DLG2: variants seen among roughly 807,000 people sequenced by gnomAD.
DLG2 encodes the protein discs large MAGUK scaffold protein 2.
In DLG2, 45 loss-of-function variants were observed where a neutral mutation model predicts 132.5. The ratio of observed to expected loss-of-function variants is 0.34; its 90% CI spans 0.27 to 0.44. DLG2 has a LOEUF of 0.44. DLG2 is among the 20% of genes least tolerant of loss of function. The probability of loss-of-function intolerance (pLI) is 1.00; values close to 1 mark genes in which losing one functional copy is unlikely to be tolerated. For missense variants in DLG2, 1,045 were observed against 1,196.9 expected (o/e 0.87, Z 1.87); for synonymous variants, 424 against 419.6 (o/e 1.01, Z -0.13).
intron 6 of DLG2, among the ~76,000 whole-genome samples, chr11:84,867,977 G>A (rs2084857744): frequency 6.6e-6 from 1 of 151,954 alleles, no homozygotes; most frequent in Non-Finnish European, 1.5e-5. Context: ...GGGAGGCCGA[G>A]GCAGGAGAAT....
At chr11:84,577,142 A>G (rs957102186) in intron 6 of DLG2, among the ~76,000 whole-genome samples, 19 of 152,236 alleles carry the variant, frequency 1.2e-4, no homozygotes, top group African/African-American at 4.6e-4. Flanking sequence ...TCCCGCCATG[A>G]TTCTGAGGAC....
intron 18 of DLG2, among the ~76,000 whole-genome samples, chr11:83,726,764 C>CAAAT (rs2090084997): frequency 1.3e-5 from 2 of 151,936 alleles, no homozygotes; most frequent in Admixed American, 1.3e-4. Context: ...AACAAACAAA[C>CAAAT]AAACAAACAA....
At chr11:84,132,784 C>T (rs1052488741) in intron 9 of DLG2, among the ~76,000 whole-genome samples, 2 of 151,990 alleles carry the variant, frequency 1.3e-5, no homozygotes, top group African/African-American at 4.8e-5. Context: ...AGGTCTAACA[C>T]AGTTTCTTTG....
At chr11:85,222,531 A>T (rs1396169144) in intron 4 of DLG2, among the ~76,000 whole-genome samples, 5 of 152,168 alleles carry the variant, frequency 3.3e-5, no homozygotes, top group African/African-American at 1.2e-4. Context: ...GTATTCCCTC[A>T]TTGGAAATTC....
At chr11:83,753,746 A>T (rs2093449150) in intron 18 of DLG2, among the ~76,000 whole-genome samples, 1 of 138,532 alleles carries the variant, frequency 7.2e-6, no homozygotes, top group African/African-American at 2.8e-5. Context: ...ATATATATAT[A>T]TTTCATATAT....
chr11:83,693,786 G>C (rs1260837870), intron 18 of DLG2: 6 of 152,196 alleles, frequency 3.9e-5, no homozygotes, highest in Non-Finnish European at 7.3e-5. Flanking sequence ...AAGGTGAAGA[G>C]AGGATATGCA....
chr11:84,882,302 T>G (rs2087471588), intron 6 of DLG2, among the ~76,000 whole-genome samples: 1 of 150,928 alleles, frequency 6.6e-6, no homozygotes, highest in Admixed American at 6.6e-5. Flanking sequence ...GGTTTGTGAC[T>G]TAAACAAACA....
chr11:84,707,640 C>G (rs1246330513), intron 6 of DLG2, among the ~76,000 whole-genome samples: 2 of 151,760 alleles, frequency 1.3e-5, no homozygotes, highest in Non-Finnish European at 2.9e-5. Context: ...AAGAAGAGAC[C>G]AATATCTGAA....
At chr11:83,610,835 A>G (rs1009039428) in intron 19 of DLG2, among the ~76,000 whole-genome samples, 1 of 152,220 alleles carries the variant, frequency 6.6e-6, no homozygotes, top group Admixed American at 6.5e-5. Context: ...AAAGAGGAGA[A>G]AACTGAGACT....
chr11:84,995,463 A>T (rs2057544133), intron 6 of DLG2, among the ~76,000 whole-genome samples: 1 of 152,322 alleles, frequency 6.6e-6, no homozygotes. Context: ...AAAGTCAGTT[A>T]TGTACATATT....
intron 11 of DLG2, among the ~76,000 whole-genome samples, chr11:84,034,056 G>A (rs1056764577): frequency 1.1e-4 from 17 of 151,842 alleles, no homozygotes; most frequent in Admixed American, 6.6e-5. Flanking sequence ...ACTCCAGCCC[G>A]GGCAACAAGA....
intron 17 of DLG2, among the ~76,000 whole-genome samples, chr11:83,813,661 C>T (rs916537111): frequency 6.6e-6 from 1 of 152,128 alleles, no homozygotes; most frequent in Non-Finnish European, 1.5e-5. Context: ...CGAACTCTTG[C>T]TTTTAGATGA....
chr11:83,851,723 C>T (rs1157453868), intron 16 of DLG2, among the ~76,000 whole-genome samples: 1 of 151,214 alleles, frequency 6.6e-6, no homozygotes, highest in East Asian at 1.9e-4. Flanking sequence ...AGTTCAAGAC[C>T]AGCCTGGCCA....
Position 84,101,304 on chromosome 11 carries a change from CAAT to C in DLG2, c.625-2260_625-2258del, listed in dbSNP as rs2092502055. ...GGGTATGCCACACCCAAGGAACAGA[CAAT>C]AAAGTTGGAACAAAGAAAGCAAGAA... is the stretch of plus-strand genomic sequence containing the variant. On this transcript the variant is annotated intron_variant, in intron 9 of 27. Coordinates refer to ENST00000376104, the MANE Select transcript of DLG2 (RefSeq NM_001142699.3). 2.6e-5 allele frequency among the ~76,000 whole-genome samples: 4 copies of C among 152,126 alleles called. No homozygotes were observed. In the South Asian group the frequency reaches 8.3e-4, roughly 32 times the overall value.
At chr11:84,683,296 C>G (rs2099735147) in intron 6 of DLG2, among the ~76,000 whole-genome samples, 1 of 152,140 alleles carries the variant, frequency 6.6e-6, no homozygotes, top group Non-Finnish European at 1.5e-5. Flanking sequence ...AGCACTATCT[C>G]CATTCTCCAG....
chr11:83,668,628 CACAT>C (rs1200682493), intron 18 of DLG2, among the ~76,000 whole-genome samples: 1 of 151,108 alleles, frequency 6.6e-6, no homozygotes, highest in Admixed American at 6.6e-5. Context: ...TATACACACA[CACAT>C]GTATATATAC....
intron 4 of DLG2, among the ~76,000 whole-genome samples, chr11:85,249,747 C>T (rs1179889383): frequency 6.6e-6 from 1 of 152,006 alleles, no homozygotes; most frequent in East Asian, 1.9e-4. Context: ...GGAACAAATC[C>T]AAAATCAAAT....
intron 6 of DLG2, among the ~76,000 whole-genome samples, chr11:84,822,377 A>G (rs1168577396): frequency 6.6e-6 from 1 of 151,864 alleles, no homozygotes; most frequent in Non-Finnish European, 1.5e-5. Context: ...ATTTTTTAAA[A>G]CAGATTAATA....
intron 6 of DLG2, among the ~76,000 whole-genome samples, chr11:84,933,198 C>G (rs1020058095): frequency 6.6e-6 from 1 of 151,956 alleles, no homozygotes. Context: ...AGTCTTATTT[C>G]TAGGTTCTAT....
Sources: gnomAD v4.1 joint callset for allele counts (sites outside exome capture counted in the v4.1 genomes callset) on GRCh38, gnomAD v4.1.1 for gene constraint, MANE v1.5 for transcripts, NCBI Gene and HGNC (gene_info 2026-07-23, HGNC 2026-07-21) for gene names.